The following SH3BGRL variants were observed in gnomAD, a reference collection of about 807,000 sequenced individuals.
SH3BGRL encodes adapter SH3BGRL.
A neutral mutation model predicts 9.8 loss-of-function variants in SH3BGRL; 7 were observed. The observed-to-expected ratio is 0.72, with a 90% CI of 0.41 to 1.35. The LOEUF (loss-of-function observed/expected upper bound fraction) is 1.35, where lower values mean the gene tolerates loss of function less well. Ranked by LOEUF, SH3BGRL falls within the 40% of genes most tolerant of loss-of-function variation. SH3BGRL has a pLI of 0.01. For missense variants in SH3BGRL, 73 were observed against 84.4 expected (o/e 0.86, Z 0.53); for synonymous variants, 36 against 29.1 (o/e 1.24, Z -0.76).
intron 1 of SH3BGRL, among the ~76,000 whole-genome samples, chrX:81,234,567 G>A (rs190158447): frequency 4.5e-5 from 5 of 112,029 alleles, no homozygotes; most frequent in Admixed American, 9.5e-5. Flanking sequence ...CTTTTCTTCT[G>A]TTGTGAAAGT....
intron 1 of SH3BGRL, among the ~76,000 whole-genome samples, chrX:81,237,734 T>C (rs2075652899): frequency 1.8e-5 from 2 of 109,149 alleles, no homozygotes; most frequent in Non-Finnish European, 3.8e-5. Context: ...GTGGGGCACA[T>C]GAGCTACTAA....
intron 1 of SH3BGRL, among the ~76,000 whole-genome samples, chrX:81,248,802 G>T (rs1602610367): frequency 8.9e-6 from 1 of 112,093 alleles, no homozygotes; most frequent in Middle Eastern, 4.6e-3. Context: ...TAGCTCCAGG[G>T]GTTGGGAGAA....
chrX:81,204,799 G>A (rs1009767751), intron 1 of SH3BGRL, among the ~76,000 whole-genome samples: 1 of 112,147 alleles, frequency 8.9e-6, no homozygotes, highest in African/African-American at 3.2e-5. Context: ...TCCAGCCTGG[G>A]CAACAGAGCG....
intron 1 of SH3BGRL, among the ~76,000 whole-genome samples, chrX:81,225,308 A>C (rs1276384897): frequency 9.0e-6 from 1 of 111,181 alleles, no homozygotes; most frequent in African/African-American, 3.3e-5. Flanking sequence ...TTTAGGGGGT[A>C]CAAATGCAGT....
In SH3BGRL at chrX:81,277,154, A is replaced by G. The variant is rs765548890; in HGVS notation, c.216A>G (p.Glu72=). Residue 72 remains glutamate (E), a synonymous_variant, in exon 2 of 4, where the codon GAA becomes GAG. Coordinates refer to ENST00000373212, the MANE Select transcript of SH3BGRL (RefSeq NM_003022.3). ...GYPLPPQIFN[E]SQYRGDYDAF... Reference sequence around the variant, plus strand: ...CCCTGCCACCTCAGATTTTCAATGAAAGCCAGTATCGCGGGGTAAGAAAAC... The same window carrying G: ...CCCTGCCACCTCAGATTTTCAATGAGAGCCAGTATCGCGGGGTAAGAAAAC... The G allele has an allele frequency of 8.3e-7, 1 of 1,207,646 alleles. No homozygotes were observed. The highest frequency in any genetic ancestry group is 1.1e-6 in the Non-Finnish European group (1 of 893,232).
At chrX:81,272,922 C>G (rs749362363) in intron 1 of SH3BGRL, among the ~76,000 whole-genome samples, 30 of 111,567 alleles carry the variant, frequency 2.7e-4, no homozygotes, top group African/African-American at 8.8e-4. Context: ...CTGAGTCAGT[C>G]AAAAATTATA....
At chrX:81,227,654 T>C (rs2075621399) in intron 1 of SH3BGRL, among the ~76,000 whole-genome samples, 1 of 112,321 alleles carries the variant, frequency 8.9e-6, no homozygotes, top group Admixed American at 9.5e-5. Flanking sequence ...CTAAAAGACA[T>C]AATGATTCCA....
At chrX:81,218,269 T>A (rs1451819544) in intron 1 of SH3BGRL, among the ~76,000 whole-genome samples, 1 of 110,793 alleles carries the variant, frequency 9.0e-6, no homozygotes, top group Non-Finnish European at 1.9e-5. Context: ...TGTTGAGAGA[T>A]TTTTTTCATC....
intron 1 of SH3BGRL, among the ~76,000 whole-genome samples, chrX:81,246,655 T>C (rs774020958): frequency 1.1e-4 from 12 of 111,328 alleles, no homozygotes; most frequent in African/African-American, 3.9e-4. Flanking sequence ...ATTTTTTTTT[T>C]ATCTTAGTCA....
rs1315028890 is a variant in SH3BGRL at position 81,286,519 on chromosome X, AAAAAAG to A, written c.312+8110_312+8115del. On this transcript the variant is annotated intron_variant, in intron 3 of 3. Coordinates refer to ENST00000373212, the MANE Select transcript of SH3BGRL (RefSeq NM_003022.3). ...TAGGCAAAAAAAAAAAAAAAAAAAAAAAAAAGAGAGGGGAAAAGCAGGAAAGAAGGA... is the reference window on the plus strand; with the variant it reads ...TAGGCAAAAAAAAAAAAAAAAAAAAAAGAGGGGAAAAGCAGGAAAGAAGGA... 8.8e-3 allele frequency among the ~76,000 whole-genome samples: 925 copies of A among 105,523 alleles called. 20 individuals are homozygous for A. Among genetic ancestry groups the A allele is most frequent in the Admixed American group, 0.05 (464 of 9,244 alleles). 91.6% of individuals were successfully genotyped at this position (105,523 alleles called of 115,157 possible). A position where few individuals can be genotyped will look rare whatever the true frequency, so the allele number is the denominator to read the frequency against.
At chrX:81,229,248 G>A (rs952413176) in intron 1 of SH3BGRL, among the ~76,000 whole-genome samples, 2 of 111,097 alleles carry the variant, frequency 1.8e-5, no homozygotes, top group Admixed American at 1.9e-4. Flanking sequence ...CATGCATATG[G>A]GCAGGCTGTG....
At chrX:81,264,954 T>C (rs1176292803) in intron 1 of SH3BGRL, among the ~76,000 whole-genome samples, 1 of 110,127 alleles carries the variant, frequency 9.1e-6, no homozygotes, top group Non-Finnish European at 1.9e-5. Context: ...TATTCAGAAC[T>C]GATTTCATAG....
chrX:81,278,422 CT>C lies in SH3BGRL; in HGVS notation c.312+18del, dbSNP rs1266544159. ...CCACCTGGTTCAAAGGTATGATACC[CT>C]TTTTTTCCTGTTTTATAGGTCATTT... On this transcript the variant is annotated intron_variant, in intron 3 of 3. Transcript: ENST00000373212. 28 of 1,084,850 alleles carry C rather than the reference CT, an allele frequency of 2.6e-5. No individual in the cohort carries two copies. Among genetic ancestry groups the C allele is most frequent in the African/African-American group, 7.4e-5 (4 of 53,710 alleles). The allele number at this position is 1,084,850 out of a possible 1,213,427, so 89.4% of individuals were successfully genotyped here.
At chrX:81,284,355 G>A (rs1219418015) in intron 3 of SH3BGRL, among the ~76,000 whole-genome samples, 1 of 109,454 alleles carries the variant, frequency 9.1e-6, no homozygotes, top group Non-Finnish European at 1.9e-5. Context: ...CCTAAAATGG[G>A]ACAGCAGTTT....
chrX:81,239,071 C>A lies in SH3BGRL; in HGVS notation c.45+36826C>A, dbSNP rs182015400. Among the ~76,000 whole-genome samples the A allele has an allele frequency of 7.4e-3, 828 of 111,739 alleles. 9 individuals carry two copies. Among genetic ancestry groups the A allele is most frequent in the African/African-American group, 0.026 (792 of 30,706 alleles). On this transcript the variant is annotated intron_variant, in intron 1 of 3. Transcript: ENST00000373212. ...TAAGAAAGAGAGGTACAAACAAGCC[C>A]AAACATTGAAGATTACAAGAAATAC...
chrX:81,240,774 A>T (rs767742824), intron 1 of SH3BGRL, among the ~76,000 whole-genome samples: 1 of 112,922 alleles, frequency 8.9e-6, no homozygotes, highest in Non-Finnish European at 1.9e-5. Flanking sequence ...GAGGAATCAC[A>T]TTACCTGACT....
At chrX:81,271,269 G>T (rs1056368326) in intron 1 of SH3BGRL, among the ~76,000 whole-genome samples, 1 of 112,176 alleles carries the variant, frequency 8.9e-6, no homozygotes, top group Non-Finnish European at 1.9e-5. Context: ...TGTCCATCCA[G>T]TCCCTGTGAG....
intron 1 of SH3BGRL, among the ~76,000 whole-genome samples, chrX:81,257,057 T>C (rs925868011): frequency 9.6e-6 from 1 of 103,894 alleles, no homozygotes; most frequent in Non-Finnish European, 2.0e-5. Context: ...GTTTATTCTC[T>C]ACATATTTAT....
At chrX:81,263,460 G>C (rs978695765) in intron 1 of SH3BGRL, among the ~76,000 whole-genome samples, 3 of 111,912 alleles carry the variant, frequency 2.7e-5, no homozygotes, top group Admixed American at 9.5e-5. Flanking sequence ...ATGTACGTTT[G>C]ATAAGACAAG....
Sources: allele counts gnomAD v4.1 joint callset (sites outside exome capture counted in the v4.1 genomes callset), GRCh38; gene constraint gnomAD v4.1.1; transcripts MANE v1.5; gene names NCBI Gene and HGNC (gene_info 2026-07-23, HGNC 2026-07-21).